The following KIF1A variants were observed in gnomAD, a reference collection of about 807,000 sequenced individuals.
KIF1A encodes the protein kinesin family member 1A.
A neutral mutation model predicts 227.3 loss-of-function variants in KIF1A; 46 were observed. The ratio of observed to expected loss-of-function variants is 0.20; its 90% CI spans 0.16 to 0.26. The LOEUF (loss-of-function observed/expected upper bound fraction) is 0.26. KIF1A is among the 10% of genes least tolerant of loss of function. The pLI is 1.00. For missense variants in KIF1A, 1,683 were observed against 2,485.9 expected, an observed-to-expected ratio of 0.68 and a Z score of 6.87; for synonymous variants, 1,022 against 1,012.8, an observed-to-expected ratio of 1.01 and a Z score of -0.17.
In KIF1A at chr2:240,719,788, C is replaced by T. The variant is rs1326344733; in HGVS notation, c.5007G>A (p.Gln1669=). The T allele has an allele frequency of 1.9e-6, 3 of 1,593,648 alleles. No homozygotes were observed. The South Asian group carries it at 3.4e-5, about 18-fold the overall frequency. The change falls in exon 46 of 49, where the codon CAG becomes CAA. Residue 1669 remains glutamine (Q), a synonymous_variant. Transcript: ENST00000498729. ...GCCCCACACACCTGACTCGGATCTC[C>T]TGGATGTCAGGGACCAGCAGGCGCT... ...EPQRLLVPDI[Q]EIRVSPIVSK...
Position 240,765,808 on chromosome 2 carries a change from GGAGGGGCAGA to G in KIF1A, c.1685-25_1685-16del. The G allele has an allele frequency of 6.2e-7, 1 of 1,606,014 alleles. No homozygotes were observed. The highest frequency in any genetic ancestry group is 1.7e-4 in the Middle Eastern group (1 of 6,056). On this transcript the variant is annotated splice_polypyrimidine_tract_variant and intron_variant, in intron 19 of 48. Coordinates refer to ENST00000498729, the MANE Select transcript of KIF1A (RefSeq NM_001244008.2). ...GGTCACCACAGCTACAGGAAAGGTG[GGAGGGGCAGA>G]GAGGAGGACTATGAGGGGCTGTCAC...
In KIF1A at chr2:240,763,021, G is replaced by A; in HGVS notation, c.2020C>T (p.Leu674=). ...EATYLLEQQR[L]DYESKLEALQ... ...GAGGGCGGGGCCACGTCACTCACCA[G>A]CCGCTGCTGCTCCAGCAGGTAGGTG... Residue 674 remains leucine (L), a splice_region_variant and synonymous_variant, in exon 22 of 49, where the codon CTG becomes TTG. Coordinates refer to ENST00000498729, the MANE Select transcript of KIF1A (RefSeq NM_001244008.2). 1 of 1,501,634 alleles carries A rather than the reference G, an allele frequency of 6.7e-7. No homozygotes were observed. Among genetic ancestry groups the A allele is most frequent in the African/African-American group, 1.4e-5 (1 of 72,744 alleles). 93.0% of individuals were successfully genotyped at this position (1,501,634 alleles called of 1,614,324 possible). A position where few individuals can be genotyped will look rare whatever the true frequency, so the allele number is the denominator to read the frequency against.
At chr2:240,772,672 C>A (rs959907238) in intron 13 of KIF1A, 76 bp from the exon 14 acceptor site, 7 of 1,218,798 alleles carry the variant, frequency 5.7e-6, no homozygotes, top group Non-Finnish European at 8.2e-6. Context: ...GAGGGTCAGG[C>A]ACGCCTTTCA....
rs1340333427 is a variant in KIF1A, at chr2:240,805,883, A to T, written c.-60-8071T>A. ...CTTCTAAATAACAAACCAAAGGAAA[A>T]ATCATGATGAAAATATAAAAATACT... is the stretch of plus-strand genomic sequence containing the variant. On this transcript the variant is annotated intron_variant, in intron 1 of 48. Coordinates refer to ENST00000498729, the MANE Select transcript of KIF1A (RefSeq NM_001244008.2). 7.2e-5 allele frequency among the ~76,000 whole-genome samples: 11 copies of T among 152,246 alleles called. 1 individual carries two copies. Among genetic ancestry groups the T allele is most frequent in the Non-Finnish European group, 1.6e-4 (11 of 68,042 alleles).
chr2:240,781,430 TCC>T (rs2053948042), intron 10 of KIF1A, among the ~76,000 whole-genome samples: 3 of 2,682 alleles, frequency 1.1e-3, no homozygotes, highest in Non-Finnish European at 2.3e-3. Context: ...CACACACAGC[TCC>T]ACACACACAC....
intron 1 of KIF1A, among the ~76,000 whole-genome samples, chr2:240,817,587 T>A (rs1307563395): frequency 1.3e-5 from 2 of 152,186 alleles, no homozygotes; most frequent in Non-Finnish European, 2.9e-5. Flanking sequence ...GCTAGGCATG[T>A]GCAGGGCTCA....
At chr2:240,741,703 T>C (rs1204387717) in intron 34 of KIF1A, among the ~76,000 whole-genome samples, 2 of 152,210 alleles carry the variant, frequency 1.3e-5, no homozygotes, top group East Asian at 3.8e-4. Context: ...GCACATACCC[T>C]TGTTCAAAAG....
In KIF1A at chr2:240,783,787, A is replaced by C; in HGVS notation, c.750T>G (p.Ala250=). Reference sequence around the variant, plus strand: ...CCGTGGAGTCAGCCCGCTCGCTCCCAGCCAGGTCCACCAGGCTGATTTTGC... The same window carrying C: ...CCGTGGAGTCAGCCCGCTCGCTCCCCGCCAGGTCCACCAGGCTGATTTTGC... ...KVSKISLVDL[A]GSERADSTGA... Residue 250 remains alanine, a synonymous_variant, in exon 8 of 49, where the codon GCT becomes GCG. Coordinates refer to ENST00000498729, the MANE Select transcript of KIF1A (RefSeq NM_001244008.2). 1 of 1,591,750 alleles carries C rather than the reference A, an allele frequency of 6.3e-7. No individual in the cohort carries two copies. The highest frequency in any genetic ancestry group is 8.6e-7 in the Non-Finnish European group (1 of 1,169,328).
rs888197110 is a variant in KIF1A at position 240,787,146 on chromosome 2, C to T, written c.429+105G>A. 72 of 898,374 alleles carry T rather than the reference C, an allele frequency of 8.0e-5. 3 individuals are homozygous for T. The highest frequency in any genetic ancestry group is 4.7e-4 in the South Asian group (34 of 72,502). 55.7% of individuals were successfully genotyped at this position (898,374 alleles called of 1,614,324 possible). The stretch of plus-strand genomic sequence containing the variant: ...TTGGATGAGTGAGGGACAAGCTGGG[C>T]GTGCAGACCCGTGGTGGGCACTCAC... On this transcript the variant is annotated intron_variant, in intron 5 of 48. Coordinates refer to ENST00000498729, the MANE Select transcript of KIF1A (RefSeq NM_001244008.2).
intron 10 of KIF1A, among the ~76,000 whole-genome samples, chr2:240,781,473 A>AGCTC (rs2053990835): frequency 8.5e-6 from 1 of 117,496 alleles, no homozygotes; most frequent in African/African-American, 3.2e-5. Context: ...CCACACACAC[A>AGCTC]CACACACACA....
At chr2:240,803,168 C>T (rs2057112928) in intron 1 of KIF1A, among the ~76,000 whole-genome samples, 1 of 152,350 alleles carries the variant, frequency 6.6e-6, no homozygotes, top group South Asian at 2.1e-4. Flanking sequence ...AAGAAGTCAT[C>T]ACACTGGATA....
rs926548593 is a variant in KIF1A, at chr2:240,792,492, G to T, written c.107-3180C>A. Among the ~76,000 whole-genome samples the T allele has an allele frequency of 2.6e-5, 4 of 152,002 alleles. No individual in the cohort carries two copies. The highest frequency in any genetic ancestry group is 9.7e-5 in the African/African-American group (4 of 41,392). ...CAGGACTCTGCATGGGCCTGCAAAG[G>T]ACTGGACACCGAGACGACAGAGACA... is the stretch of plus-strand genomic sequence containing the variant. On this transcript the variant is annotated intron_variant, in intron 2 of 48. Coordinates refer to ENST00000498729, the MANE Select transcript of KIF1A (RefSeq NM_001244008.2). The surrounding 1 kb of genome is among the most constrained non-coding windows in gnomAD (Gnocchi z 4.5).
Position 240,719,325 on chromosome 2 carries a change from C to T in KIF1A, c.5022-127G>A, listed in dbSNP as rs117313695. 8.8e-4 allele frequency: 982 copies of T among 1,115,912 alleles called. 9 individuals are homozygous for T. Among genetic ancestry groups the T allele is most frequent in the East Asian group, 8.6e-3 (320 of 37,398 alleles). 69.1% of individuals were successfully genotyped at this position (1,115,912 alleles called of 1,614,324 possible). On this transcript the variant is annotated intron_variant, in intron 46 of 48. Coordinates refer to ENST00000498729, the MANE Select transcript of KIF1A (RefSeq NM_001244008.2). ...CCACCTCCCCAGCCAGAAAGTGGGT[C>T]GAGGCATCGAAGGGCACCTGGCAGA...
At chr2:240,779,131 C>T (rs1013641573) in intron 10 of KIF1A, among the ~76,000 whole-genome samples, 2 of 150,240 alleles carry the variant, frequency 1.3e-5, no homozygotes, top group African/African-American at 5.0e-5. Flanking sequence ...TAGTTCCACA[C>T]TCAGTTCCTC....
chr2:240,743,921 C>T (rs778118703), intron 33 of KIF1A, 21 bp downstream of exon 33: 6 of 1,536,444 alleles, frequency 3.9e-6, no homozygotes, highest in Non-Finnish European at 5.4e-6. Flanking sequence ...AGCCCCGAAC[C>T]CCCCGACCCA....
intron 10 of KIF1A, among the ~76,000 whole-genome samples, chr2:240,780,802 A>AGCTC (rs2053604933): frequency 1.7e-4 from 9 of 52,922 alleles, no homozygotes; most frequent in Non-Finnish European, 2.2e-4. Flanking sequence ...ACAGCTCCAC[A>AGCTC]CACACACACA....
chr2:240,732,050 GATGAGGGATGGGGGAGGAGGGA>G (rs2046720332), intron 38 of KIF1A, among the ~76,000 whole-genome samples: 1 of 84,526 alleles, frequency 1.2e-5, no homozygotes, highest in Non-Finnish European at 2.4e-5. Flanking sequence ...GGGAGGAGGG[GATGAGGGATGGGGGAGGAGGGA>G]AGGAGGAAGA....
chr2:240,792,973 T>C lies in KIF1A; in HGVS notation c.107-3661A>G, dbSNP rs950529611. Among the ~76,000 whole-genome samples the C allele has an allele frequency of 6.6e-6, 1 of 152,156 alleles. No homozygotes were observed. The highest frequency in any genetic ancestry group is 1.5e-5 in the Non-Finnish European group (1 of 68,016). ...TGCGGAGAAGGGAACATATGCTGTT[T>C]AAGACGCCCACTCTGCAGCGCACCT... On this transcript the variant is annotated intron_variant, in intron 2 of 48. Transcript: ENST00000498729. The surrounding 1 kb of genome is among the most constrained non-coding windows in gnomAD (Gnocchi z 4.5).
intron 1 of KIF1A, among the ~76,000 whole-genome samples, chr2:240,799,370 G>A (rs2056745749): frequency 6.6e-6 from 1 of 152,220 alleles, no homozygotes; most frequent in Non-Finnish European, 1.5e-5. Flanking sequence ...TGGATGTGGG[G>A]CAGGGCTGTC....
Sources: gnomAD v4.1 joint callset for allele counts (sites outside exome capture counted in the v4.1 genomes callset) on GRCh38, gnomAD v4.1.1 for gene constraint, Gnocchi (gnomAD v3.1) non-coding constraint, MANE v1.5 for transcripts, NCBI Gene and HGNC (gene_info 2026-07-23, HGNC 2026-07-21) for gene names.